The following CUBN variants were observed in gnomAD, a reference collection of about 807,000 sequenced individuals.
CUBN encodes 460 kDa receptor.
In CUBN, 282 loss-of-function variants were observed where a neutral mutation model predicts 405.3. The ratio of observed to expected loss-of-function variants is 0.70; its 90% CI spans 0.63 to 0.77. The LOEUF is 0.77. Ranked by LOEUF, CUBN falls within the 30% of genes least tolerant of loss-of-function variation. The pLI, the probability that CUBN is intolerant of heterozygous loss-of-function variation, is 0.00. For missense variants in CUBN, 4,514 were observed against 4,475.2 expected (o/e 1.01, Z -0.25); for synonymous variants, 1,684 against 1,617.0 (o/e 1.04, Z -0.99).
intron 32 of CUBN, among the ~76,000 whole-genome samples, chr10:16,952,913 G>T (rs1412531505): frequency 6.6e-6 from 1 of 152,140 alleles, no homozygotes; most frequent in Non-Finnish European, 1.5e-5. Context: ...GGACTTGGAG[G>T]GTGAGAAAAG....
chr10:17,109,770 T>C lies in CUBN; in HGVS notation c.1016-35A>G, dbSNP rs755701254. The C allele has an allele frequency of 5.8e-6, 9 of 1,540,572 alleles. No homozygotes were observed. In the African/African-American group the frequency reaches 9.5e-5, roughly 16 times the overall value. On this transcript the variant is annotated intron_variant, in intron 9 of 66. Coordinates refer to ENST00000377833, the MANE Select transcript of CUBN (RefSeq NM_001081.4). ...ACAAGAGCCAGGTCATAAGAAACAA[T>C]GTCAAGAAGATGGGAGGACAAAGCC...
chr10:17,036,170 T>C (rs1049859911), intron 27 of CUBN, among the ~76,000 whole-genome samples: 1 of 152,108 alleles, frequency 6.6e-6, no homozygotes, highest in African/African-American at 2.4e-5. Context: ...GCTAGACCCA[T>C]GCATTTGCTG....
chr10:16,841,242 G>A (rs568560974), intron 60 of CUBN, among the ~76,000 whole-genome samples, 195 bp from the exon 61 acceptor site: 13 of 152,192 alleles, frequency 8.5e-5, no homozygotes, highest in South Asian at 8.3e-4. Flanking sequence ...CTGTTATGAC[G>A]CCTAACATTT....
At chr10:17,008,240 T>G (rs72773299) in intron 28 of CUBN, among the ~76,000 whole-genome samples, 3,779 of 68,462 alleles carry the variant, frequency 0.055, 54 homozygotes, top group Non-Finnish European at 0.063. Flanking sequence ...CCGTGTGTGG[T>G]GTGTGTGTGT....
At chr10:16,878,406 A>G (rs1228691268) in intron 56 of CUBN, among the ~76,000 whole-genome samples, 3 of 152,362 alleles carry the variant, frequency 2.0e-5, no homozygotes, top group South Asian at 4.1e-4. Flanking sequence ...TGCCATCCAC[A>G]TTCCATCAAT....
At chr10:17,070,828 C>T (rs1378916773) in intron 19 of CUBN, among the ~76,000 whole-genome samples, 1 of 152,090 alleles carries the variant, frequency 6.6e-6, no homozygotes, top group Non-Finnish European at 1.5e-5. Flanking sequence ...TTTACTCGTT[C>T]CCTTTCATTC....
chr10:16,850,730 C>A (rs1407780653), intron 60 of CUBN, among the ~76,000 whole-genome samples: 1 of 152,184 alleles, frequency 6.6e-6, no homozygotes, highest in African/African-American at 2.4e-5. Context: ...GCCTCGGTGT[C>A]CCAAATTGCT....
rs556157763 is a variant in CUBN, at chr10:16,898,851, T to C, written c.8598+145A>G. On this transcript the variant is annotated intron_variant, in intron 54 of 66. Coordinates refer to ENST00000377833, the MANE Select transcript of CUBN (RefSeq NM_001081.4). ...AAAAGAAATTCTAGCTCCTAACAGTTGAGGTTTCTCACTTTCTCACTTTTC... is the reference window on the plus strand; with the variant it reads ...AAAAGAAATTCTAGCTCCTAACAGTCGAGGTTTCTCACTTTCTCACTTTTC... 8.2e-4 allele frequency: 569 copies of C among 695,118 alleles called. 15 individuals carry two copies. The highest frequency in any genetic ancestry group is 7.6e-3 in the South Asian group (474 of 62,142). 43.1% of individuals were successfully genotyped at this position (695,118 alleles called of 1,614,324 possible).
At chr10:17,113,976 C>T in intron 8 of CUBN, 51 bp downstream of exon 8, 4 of 1,585,760 alleles carry the variant, frequency 2.5e-6, no homozygotes, top group Non-Finnish European at 2.6e-6. Flanking sequence ...TTGGTTCTGG[C>T]ACCTCGCCAA....
Position 16,998,549 on chromosome 10 carries a change from C to T in CUBN, c.4169-8034G>A, listed in dbSNP as rs1335147548. Among the ~76,000 whole-genome samples the T allele has an allele frequency of 4.5e-4, 68 of 152,140 alleles. 1 individual carries two copies. Among genetic ancestry groups the T allele is most frequent in the Admixed American group, 4.4e-3 (67 of 15,270 alleles). ...ACAAATTTCTGTTGTCCCATGCCAC[C>T]CAGTTTGTGGTACTTAGTTACAGTA... is the stretch of plus-strand genomic sequence containing the variant. On this transcript the variant is annotated intron_variant, in intron 28 of 66. Coordinates refer to ENST00000377833, the MANE Select transcript of CUBN (RefSeq NM_001081.4).
intron 6 of CUBN, among the ~76,000 whole-genome samples, chr10:17,119,497 T>C (rs1474904269): frequency 6.6e-6 from 1 of 152,038 alleles, no homozygotes; most frequent in Non-Finnish European, 1.5e-5. Context: ...CCATCTCTAC[T>C]AAAAATACAA....
chr10:16,834,495 C>G (rs889588446), intron 64 of CUBN, among the ~76,000 whole-genome samples: 5 of 152,122 alleles, frequency 3.3e-5, no homozygotes, highest in African/African-American at 9.7e-5. Flanking sequence ...ACAGACCACA[C>G]CCCCCTGAGA....
At chr10:17,020,021 T>C (rs760830145) in intron 27 of CUBN, 38 bp from the exon 28 acceptor site, 2 of 1,612,014 alleles carry the variant, frequency 1.2e-6, no homozygotes, top group Admixed American at 1.7e-5. Context: ...TAAAAACACA[T>C]GGTTTGTGGG....
chr10:16,999,710 C>T (rs1016332056), intron 28 of CUBN, among the ~76,000 whole-genome samples: 13 of 152,208 alleles, frequency 8.5e-5, no homozygotes, highest in African/African-American at 3.1e-4. Flanking sequence ...AACATGTTCT[C>T]TGTAGGCAGT....
At chr10:16,876,173 G>C (rs1840494014) in intron 57 of CUBN, among the ~76,000 whole-genome samples, 1 of 152,214 alleles carries the variant, frequency 6.6e-6, no homozygotes, top group Admixed American at 6.5e-5. Flanking sequence ...AGATGAAATA[G>C]ACTCAAGAAA....
At chr10:16,882,667 G>T (rs886694028) in intron 56 of CUBN, among the ~76,000 whole-genome samples, 1 of 152,208 alleles carries the variant, frequency 6.6e-6, no homozygotes, top group Non-Finnish European at 1.5e-5. Context: ...AAAACCCTTT[G>T]TTTGGGATAT....
Position 17,129,684 on chromosome 10 carries a change from G to C in CUBN, c.82C>G (p.Leu28Val). Residue 28 changes from leucine (L) to valine (V), a missense_variant, in exon 1 of 67, where the codon CTT (leucine) becomes GTT (valine). Physicochemically the swap from Leu to Val is conservative, Grantham distance 32. Around this residue, in one of 5 missense-constraint regions of CUBN, gnomAD observed 1,448 missense variants for 1,388.0 expected, o/e 1.04. Coordinates refer to ENST00000377833, the MANE Select transcript of CUBN (RefSeq NM_001081.4). ...CTTCTTTTTTGTCTCTGCAGCTCAA[G>C]TTCTCCAGCTTCGCCATTTACTTCA... ...FAEVNGEAGELELQRQKRSIN... is the reference protein window; with the variant it reads ...FAEVNGEAGEVELQRQKRSIN... The C allele has an allele frequency of 6.2e-7, 1 of 1,614,088 alleles. No individual in the cohort carries two copies. The highest frequency in any genetic ancestry group is 1.1e-5 in the South Asian group (1 of 91,084).
At chr10:16,899,271 T>C (rs1841287185) in intron 53 of CUBN, 88 bp from the exon 54 acceptor site, 17 of 981,200 alleles carry the variant, frequency 1.7e-5, no homozygotes, top group Non-Finnish European at 2.8e-5. Flanking sequence ...CATTTCCAAA[T>C]GTGAGATTTC....
intron 60 of CUBN, among the ~76,000 whole-genome samples, chr10:16,844,371 G>A (rs138704366): frequency 2.2e-4 from 33 of 152,100 alleles, no homozygotes; most frequent in African/African-American, 6.7e-4. Flanking sequence ...TGCATGGCAC[G>A]TGTCAACAAC....
Sources: allele counts gnomAD v4.1 joint callset (sites outside exome capture counted in the v4.1 genomes callset), GRCh38; gene constraint gnomAD v4.1.1; regional missense constraint gnomAD v4.1.1; transcripts MANE v1.5; gene names NCBI Gene and HGNC (gene_info 2026-07-23, HGNC 2026-07-21).